The following JAG2 variants were observed in gnomAD, a reference collection of about 807,000 sequenced individuals.
JAG2 encodes the protein jagged canonical Notch ligand 2, also known as protein jagged-2.
Under a neutral mutation model 141.7 loss-of-function variants are expected in JAG2, and 46 were observed. The observed-to-expected ratio is 0.32, with a 90% CI of 0.26 to 0.42. JAG2 has a LOEUF of 0.42. Among genes scored for constraint, JAG2 ranks in the 10% least tolerant of loss-of-function variants. The probability of loss-of-function intolerance (pLI) is 1.00; values close to 1 mark genes in which losing one functional copy is unlikely to be tolerated. For missense variants in JAG2, 1,500 were observed against 1,817.5 expected, an observed-to-expected ratio of 0.83 and a Z score of 3.18; for synonymous variants, 862 against 763.5, an observed-to-expected ratio of 1.13 and a Z score of -2.13.
At chr14:105,159,357 C>G (rs771180403) in intron 2 of JAG2, among the ~76,000 whole-genome samples, 5 of 151,950 alleles carry the variant, frequency 3.3e-5, no homozygotes, top group Non-Finnish European at 7.4e-5. Context: ...CTAGCCACGT[C>G]GAGCTGACAA....
At chr14:105,159,653 AC>A (rs1466260875) in intron 2 of JAG2, among the ~76,000 whole-genome samples, 4 of 55,544 alleles carry the variant, frequency 7.2e-5, no homozygotes, top group Non-Finnish European at 1.0e-4. Context: ...TTCCATCCAC[AC>A]CCCCCAACAG....
intron 24 of JAG2, among the ~76,000 whole-genome samples, chr14:105,144,613 CTA>C (rs1007183726): frequency 2.8e-4 from 42 of 152,338 alleles, no homozygotes; most frequent in Non-Finnish European, 5.3e-4. Flanking sequence ...CCAGGGCAGA[CTA>C]AGCCCACGGA....
intron 21 of JAG2, 29 bp from the exon 22 acceptor site, chr14:105,146,529 C>T (rs773742842): frequency 1.9e-6 from 3 of 1,606,594 alleles, no homozygotes; most frequent in East Asian, 2.2e-5. Context: ...CGAGGGTCAG[C>T]AGTGGGCATC....
chr14:105,159,695 AC>A (rs1303548808), intron 2 of JAG2, among the ~76,000 whole-genome samples: 1 of 64,164 alleles, frequency 1.6e-5, no homozygotes, highest in Non-Finnish European at 2.9e-5. Flanking sequence ...CTCCATCCAC[AC>A]CCCGCAACAT....
At chr14:105,151,203 C>G (rs2140979504) in intron 9 of JAG2, 80 bp downstream of exon 9, 1 of 1,488,866 alleles carries the variant, frequency 6.7e-7, no homozygotes, top group Non-Finnish European at 9.1e-7. Context: ...CCAGCAGCCC[C>G]AGCAGCCCCC....
chr14:105,162,110 G>A (rs1004482502), intron 2 of JAG2, among the ~76,000 whole-genome samples: 3 of 152,096 alleles, frequency 2.0e-5, no homozygotes, highest in African/African-American at 7.2e-5. Context: ...CTGGGGACAG[G>A]TGAGAGACCC....
rs781628851 is a variant in JAG2, at chr14:105,149,331, G to C, written c.1603-11C>G. The C allele has an allele frequency of 1.1e-5, 18 of 1,612,564 alleles. No individual in the cohort carries two copies. The highest frequency in any genetic ancestry group is 3.3e-5 in the South Asian group (3 of 91,088). On this transcript the variant is annotated splice_polypyrimidine_tract_variant and intron_variant, in intron 12 of 25. Coordinates refer to ENST00000331782, the MANE Select transcript of JAG2 (RefSeq NM_002226.5). ...AAGGTCGACATCCACCTGCAGGGTG[G>C]GGGGTGCCTGTGAGAGCCTAGGCCC...
chr14:105,148,468 G>C, intron 15 of JAG2, 29 bp from the exon 16 acceptor site: 3 of 1,556,772 alleles, frequency 1.9e-6, no homozygotes, highest in South Asian at 1.1e-5. Flanking sequence ...GTCAGCGGGC[G>C]GGGGGTCACC....
chr14:105,146,378 C>A lies in JAG2; in HGVS notation c.2709+7G>T. The A allele has an allele frequency of 6.2e-7, 1 of 1,610,240 alleles. No homozygotes were observed. The highest frequency in any genetic ancestry group is 1.1e-5 in the South Asian group (1 of 91,020). Reference sequence around the variant, plus strand: ...GTAGGGCAGGGCGGCTCACGGGCTGCCCTCACCTTGCTGCAGTCACGGCGG... The same window carrying A: ...GTAGGGCAGGGCGGCTCACGGGCTGACCTCACCTTGCTGCAGTCACGGCGG... On this transcript the variant is annotated splice_region_variant and intron_variant, in intron 22 of 25. Coordinates refer to ENST00000331782, the MANE Select transcript of JAG2 (RefSeq NM_002226.5).
chr14:105,147,261 C>T, intron 20 of JAG2, 65 bp downstream of exon 20: 1 of 1,301,728 alleles, frequency 7.7e-7, no homozygotes, highest in Middle Eastern at 2.0e-4. Context: ...CGTTGATGTC[C>T]CCAGACTCCT....
At position 105,141,097 on chromosome 14, in the gene JAG2, G is replaced by A. The variant is rs1888049613; in HGVS notation, c.*1598C>T. 1 of 152,186 alleles carries A rather than the reference G, an allele frequency of 6.6e-6. No homozygotes were observed. Among genetic ancestry groups the A allele is most frequent in the African/African-American group, 2.4e-5 (1 of 41,436 alleles). The allele number at this position is 152,186 out of a possible 1,614,324, so 9.4% of individuals were successfully genotyped here. ...TTTTTTTCTCTTTTGTACAGATCTG[G>A]TTCTTGGCTTTGCTCCTTGACTCAG... On this transcript the variant is annotated 3_prime_UTR_variant, in exon 26 of 26. Transcript: ENST00000331782.
chr14:105,143,615 C>A lies in JAG2; in HGVS notation c.3108G>T (p.Leu1036=). Residue 1036 remains leucine, a synonymous_variant, in exon 25 of 26, where the codon CTG becomes CTT. Transcript: ENST00000331782. ...VAVSFSPARD[L]PDSSLIQGAA... ...CGCCCTGGATCAGGCTGCTGTCAGG[C>A]AGGTCCCTGGCAGGGCTGAAGGACT... 1 of 1,608,220 alleles carries A rather than the reference C, an allele frequency of 6.2e-7. No homozygotes were observed.
chr14:105,153,645 C>T (rs1175473723), intron 5 of JAG2, among the ~76,000 whole-genome samples: 1 of 151,482 alleles, frequency 6.6e-6, no homozygotes, highest in Non-Finnish European at 1.5e-5. Flanking sequence ...GAACCTGAGC[C>T]GAGGCTGTCA....
Position 105,168,435 on chromosome 14 carries a change from G to A in JAG2, c.-15C>T. 3.5e-6 allele frequency: 2 copies of A among 573,836 alleles called. No homozygotes were observed. Among genetic ancestry groups the A allele is most frequent in the African/African-American group, 2.1e-5 (1 of 48,588 alleles). 35.5% of individuals were successfully genotyped at this position (573,836 alleles called of 1,614,324 possible). On this transcript the variant is annotated 5_prime_UTR_variant, in exon 1 of 26. Transcript: ENST00000331782. ...TGCGCCCGCATTGCCCCCGCGACCC[G>A]CCCGCCCGGCCCCGCCGCCGCCGCC...
In JAG2 at chr14:105,167,287, C is replaced by T. The variant is rs1242573085; in HGVS notation, c.417+470G>A. On this transcript the variant is annotated intron_variant, in intron 2 of 25. Transcript: ENST00000331782. This position sits in a 1 kb window ranked among gnomAD's most constrained non-coding sequence, Gnocchi z 4.8. ...GTTAGGCTCTCCCGGGCCTAGGTCC[C>T]ACGGCGCCCGCCCGTGCCCCCCAGG... Among the ~76,000 whole-genome samples, 1 of 152,212 alleles carries T rather than the reference C, an allele frequency of 6.6e-6. No individual in the cohort carries two copies. The highest frequency in any genetic ancestry group is 1.5e-5 in the Non-Finnish European group (1 of 68,024).
intron 5 of JAG2, 21 bp from the exon 6 acceptor site, chr14:105,152,312 G>A (rs765089915): frequency 6.2e-6 from 10 of 1,610,452 alleles, no homozygotes; most frequent in South Asian, 4.4e-5. Flanking sequence ...GAGGAGGGGC[G>A]CAAGACCCAG....
Position 105,149,164 on chromosome 14 carries a change from C to T in JAG2, c.1753+6G>A. ...CTCCCCCACCACCCCATGCCGCACCCAGCACCTCTGCAGGCCCCGCCAGGG... is the reference window on the plus strand; with the variant it reads ...CTCCCCCACCACCCCATGCCGCACCTAGCACCTCTGCAGGCCCCGCCAGGG... On this transcript the variant is annotated splice_donor_region_variant and intron_variant, in intron 13 of 25. Transcript: ENST00000331782. The T allele has an allele frequency of 6.2e-7, 1 of 1,609,818 alleles. No homozygotes were observed. The highest frequency in any genetic ancestry group is 8.5e-7 in the Non-Finnish European group (1 of 1,179,062).
chr14:105,149,824 G>C (rs587674727), intron 12 of JAG2, among the ~76,000 whole-genome samples: 1 of 113,416 alleles, frequency 8.8e-6, no homozygotes, highest in East Asian at 2.8e-4. Context: ...GGGAGGCAGG[G>C]AAAAAGGGGA....
intron 4 of JAG2, 48 bp downstream of exon 4, chr14:105,155,678 GTGCCCGGGGCCC>G: frequency 1.2e-6 from 2 of 1,612,344 alleles, no homozygotes; most frequent in Non-Finnish European, 1.7e-6. Context: ...CGCAAGGCCT[GTGCCCGGGGCCC>G]TGCCCGAGGC....
Sources: allele counts gnomAD v4.1 joint callset (sites outside exome capture counted in the v4.1 genomes callset), GRCh38; gene constraint gnomAD v4.1.1; non-coding constraint Gnocchi (gnomAD v3.1); transcripts MANE v1.5; gene names NCBI Gene and HGNC (gene_info 2026-07-23, HGNC 2026-07-21).